The following C12orf42 variants were observed in gnomAD, a reference collection of about 807,000 sequenced individuals.
C12orf42 encodes uncharacterized protein C12orf42.
A neutral mutation model predicts 21.6 loss-of-function variants in C12orf42; 25 were observed. The ratio of observed to expected loss-of-function variants is 1.16; its 90% confidence interval spans 0.84 to 1.62. C12orf42 has a LOEUF of 1.62. Ranked by LOEUF, C12orf42 falls within the 40% of genes most tolerant of loss-of-function variation. The pLI is 0.00. For synonymous variants in C12orf42, 174 were observed against 175.0 expected (o/e 0.99, Z 0.05); for missense variants, 483 against 459.3 (o/e 1.05, Z -0.47).
At chr12:103,245,176 TGTTGA>T (rs1310086281) in intron 10 of C12orf42, among the ~76,000 whole-genome samples, 4 of 152,110 alleles carry the variant, frequency 2.6e-5, no homozygotes, top group African/African-American at 9.7e-5. Flanking sequence ...AATACTATTA[TGTTGA>T]GTTAAGAAAA....
the C12orf42 span, among the ~76,000 whole-genome samples, chr12:103,506,851 T>TATATA: frequency 7.6e-4 from 52 of 68,438 alleles, 1 homozygote; most frequent in South Asian, 6.6e-3. Context: ...ATATATATAT[T>TATATA]TATATATTAT....
intron 2 of C12orf42, among the ~76,000 whole-genome samples, chr12:103,454,592 C>T (rs1248313485): frequency 1.3e-5 from 2 of 152,114 alleles, no homozygotes; most frequent in African/African-American, 4.8e-5. Flanking sequence ...TCCTTCTTAT[C>T]ATCACCAGAC....
At chr12:103,068,935 A>C in the C12orf42 span, among the ~76,000 whole-genome samples, 1 of 5,568 alleles carries the variant, frequency 1.8e-4, no homozygotes, top group South Asian at 6.3e-3. Context: ...CTCTCTCCAC[A>C]TATATATATA....
At chr12:103,329,758 GA>G (rs1184752866) in intron 4 of C12orf42, among the ~76,000 whole-genome samples, 1 of 151,778 alleles carries the variant, frequency 6.6e-6, no homozygotes, top group African/African-American at 2.4e-5. Context: ...GAAAAGGGGG[GA>G]AAAGTACATA....
chr12:103,191,064 C>A, the C12orf42 span, among the ~76,000 whole-genome samples: 2 of 152,108 alleles, frequency 1.3e-5, no homozygotes, highest in African/African-American at 4.8e-5. Context: ...CAGTAGATTT[C>A]TCAGTAGAAA....
the C12orf42 span, among the ~76,000 whole-genome samples, chr12:103,209,974 T>C: frequency 6.6e-6 from 1 of 152,130 alleles, no homozygotes; most frequent in Non-Finnish European, 1.5e-5. Context: ...AAACAAAACC[T>C]GGAAATCTCC....
At chr12:103,539,156 T>A in the C12orf42 span, among the ~76,000 whole-genome samples, 6 of 152,168 alleles carry the variant, frequency 3.9e-5, no homozygotes, top group African/African-American at 1.4e-4. Context: ...TCATTTAATG[T>A]TTACCATGAT....
chr12:103,150,920 T>C, the C12orf42 span, among the ~76,000 whole-genome samples: 1 of 152,280 alleles, frequency 6.6e-6, no homozygotes, highest in African/African-American at 2.4e-5. Flanking sequence ...TTCCTCAGCA[T>C]CAATTAAAAC....
rs150939784 is a variant in C12orf42, at chr12:103,480,785, A to G, written c.-21-2338T>C. Among the ~76,000 whole-genome samples, 993 of 151,708 alleles carry G rather than the reference A, an allele frequency of 6.5e-3. 6 individuals carry two copies. The highest frequency in any genetic ancestry group is 0.021 in the Middle Eastern group (5 of 238). Reference sequence around the variant, plus strand: ...ATTTGTTTGATATCAATTCTCTGAAATTTATTGAGAATTTTATAGTCTCCA... The same window carrying G: ...ATTTGTTTGATATCAATTCTCTGAAGTTTATTGAGAATTTTATAGTCTCCA... On this transcript the variant is annotated intron_variant, in intron 1 of 5. Coordinates refer to ENST00000548883, the MANE Select transcript of C12orf42 (RefSeq NM_198521.5).
chr12:103,319,362 A>G (rs1335970554), intron 4 of C12orf42, among the ~76,000 whole-genome samples: 1 of 152,234 alleles, frequency 6.6e-6, no homozygotes, highest in East Asian at 1.9e-4. Flanking sequence ...AGAGTCACAC[A>G]GGGAGTCAGA....
chr12:103,314,826 A>G (rs1241978550), intron 4 of C12orf42, among the ~76,000 whole-genome samples: 1 of 152,204 alleles, frequency 6.6e-6, no homozygotes, highest in Non-Finnish European at 1.5e-5. Context: ...ACACTTGTGA[A>G]GGTCACAGCC....
At chr12:103,358,634 A>T (rs1327536520) in intron 4 of C12orf42, among the ~76,000 whole-genome samples, 1 of 151,926 alleles carries the variant, frequency 6.6e-6, no homozygotes, top group Non-Finnish European at 1.5e-5. Flanking sequence ...AAAAAAACTC[A>T]AGAATTATTG....
chr12:103,288,406 A>T (rs2036602731), intron 4 of C12orf42, among the ~76,000 whole-genome samples: 1 of 152,214 alleles, frequency 6.6e-6, no homozygotes, highest in Non-Finnish European at 1.5e-5. Context: ...CTCACCAAAG[A>T]AATGGGATAA....
intron 5 of C12orf42, among the ~76,000 whole-genome samples, chr12:103,304,775 C>T (rs1179233755): frequency 6.6e-6 from 1 of 152,222 alleles, no homozygotes; most frequent in African/African-American, 2.4e-5. Context: ...TCACCAGGCT[C>T]AGCCTCCCAG....
chr12:103,079,245 A>T, the C12orf42 span, among the ~76,000 whole-genome samples: 1 of 152,168 alleles, frequency 6.6e-6, no homozygotes, highest in Non-Finnish European at 1.5e-5. Flanking sequence ...GTATGGTAAA[A>T]TCCCAAGGCA....
At chr12:103,478,779 G>A (rs1047532900) in intron 1 of C12orf42, among the ~76,000 whole-genome samples, 1 of 151,894 alleles carries the variant, frequency 6.6e-6, no homozygotes, top group Non-Finnish European at 1.5e-5. Context: ...GGTTGGTTGG[G>A]GGAAGTGGGG....
In C12orf42 at chr12:103,378,699, A is replaced by C. The variant is rs1006375349; in HGVS notation, c.148-9701T>G. 4 of 152,312 alleles carry C rather than the reference A, an allele frequency of 2.6e-5. 1 individual carries two copies. The South Asian group carries it at 8.3e-4, about 32-fold the overall frequency. 9.4% of individuals were successfully genotyped at this position (152,312 alleles called of 1,614,324 possible). ...ATATGCTCTAGATTATGGGATTTGG[A>C]ATTCGTACCTGAGTTGGAATCCTGC... On this transcript the variant is annotated intron_variant, in intron 3 of 5. Transcript: ENST00000548883.
At chr12:103,502,069 T>G in the C12orf42 span, among the ~76,000 whole-genome samples, 3 of 152,178 alleles carry the variant, frequency 2.0e-5, no homozygotes, top group Non-Finnish European at 4.4e-5. Context: ...ACTCACCTTT[T>G]TTATCATTAT....
chr12:103,340,840 G>T (rs564249014), intron 4 of C12orf42, among the ~76,000 whole-genome samples: 2 of 152,302 alleles, frequency 1.3e-5, no homozygotes, highest in South Asian at 2.1e-4. Context: ...TAGGCTGGGC[G>T]CAGTGGCTCA....
Sources: allele counts gnomAD v4.1 joint callset (sites outside exome capture counted in the v4.1 genomes callset), GRCh38; gene constraint gnomAD v4.1.1; transcripts MANE v1.5; gene names NCBI Gene and HGNC (gene_info 2026-07-23, HGNC 2026-07-21).